The following HTRA1 variants were observed in gnomAD, a reference collection of about 807,000 sequenced individuals.
HTRA1 encodes serine protease HTRA1.
In HTRA1, 26 loss-of-function variants were observed where a neutral mutation model predicts 49.7. The observed-to-expected ratio is 0.52, with a 90% CI of 0.38 to 0.73. HTRA1 has a LOEUF of 0.73. Among genes scored for constraint, HTRA1 ranks in the 30% least tolerant of loss-of-function variants. The pLI is 0.00. For synonymous variants in HTRA1, 291 were observed against 286.9 expected (o/e 1.01, Z -0.14); for missense variants, 561 against 667.2 (o/e 0.84, Z 1.75).
In HTRA1 at chr10:122,488,172, C is replaced by T. The variant is rs185932309; in HGVS notation, c.473-730C>T. 1.1e-3 allele frequency among the ~76,000 whole-genome samples: 166 copies of T among 152,250 alleles called. 1 individual carries two copies. The highest frequency in any genetic ancestry group is 3.4e-3 in the Middle Eastern group (1 of 294). On this transcript the variant is annotated intron_variant, in intron 1 of 8. Transcript: ENST00000368984. ...GGTGGGCCTCTCCTAGAAAAAGCCC[C>T]GGTGCTCTTTGCTCCTGCGGTGTTT...
chr10:122,469,342 C>G (rs1055266647), intron 1 of HTRA1, among the ~76,000 whole-genome samples: 3 of 152,198 alleles, frequency 2.0e-5, no homozygotes, highest in African/African-American at 7.2e-5. Context: ...CTAAGAAGAG[C>G]TGTCTCTTTG....
At chr10:122,471,417 A>G (rs2097486080) in intron 1 of HTRA1, among the ~76,000 whole-genome samples, 1 of 152,176 alleles carries the variant, frequency 6.6e-6, no homozygotes, top group Non-Finnish European at 1.5e-5. Flanking sequence ...GGCCAAACAT[A>G]TAGTCCTTCT....
At position 122,489,303 on chromosome 10, in the gene HTRA1, C is replaced by T. The variant is rs1461483281; in HGVS notation, c.573-119C>T. 2.7e-5 allele frequency: 27 copies of T among 999,636 alleles called. 1 individual carries two copies. In the East Asian group the frequency reaches 4.5e-4, roughly 17 times the overall value. The allele number at this position is 999,636 out of a possible 1,614,324, so 61.9% of individuals were successfully genotyped here. A position where few individuals can be genotyped will look rare whatever the true frequency, so the allele number is the denominator to read the frequency against. ...ATGTTTAGTGTTTAAATGCTAAGCC[C>T]GATATATAAAGGAGCGATGGCTAGG... On this transcript the variant is annotated intron_variant, in intron 2 of 8. Coordinates refer to ENST00000368984, the MANE Select transcript of HTRA1 (RefSeq NM_002775.5).
chr10:122,499,484 G>A (rs1171096934), intron 3 of HTRA1, among the ~76,000 whole-genome samples: 1 of 152,142 alleles, frequency 6.6e-6, no homozygotes, highest in African/African-American at 2.4e-5. Flanking sequence ...TAATTTTGTA[G>A]CTGGTCCTGC....
At chr10:122,503,268 T>A (rs567446223) in intron 3 of HTRA1, among the ~76,000 whole-genome samples, 1 of 152,328 alleles carries the variant, frequency 6.6e-6, no homozygotes, top group East Asian at 1.9e-4. Context: ...ATGGAGCTGA[T>A]GTCTAGACAG....
At chr10:122,475,082 G>A (rs570263027) in intron 1 of HTRA1, among the ~76,000 whole-genome samples, 7 of 152,316 alleles carry the variant, frequency 4.6e-5, no homozygotes, top group East Asian at 1.9e-4. Context: ...GGTGCCCCCC[G>A]AAAGCACATT....
Position 122,490,808 on chromosome 10 carries a change from G to T in HTRA1, c.777+1182G>T, listed in dbSNP as rs536653049. 6.6e-6 allele frequency among the ~76,000 whole-genome samples: 1 copy of T among 152,162 alleles called. No individual in the cohort carries two copies. The highest frequency in any genetic ancestry group is 1.5e-5 in the Non-Finnish European group (1 of 68,030). ...TGTGCTGTTTGGGTGGTAGGATTCCGGGTCTCCTTCTCCGTCTTTTTATAA... is the reference window on the plus strand; with the variant it reads ...TGTGCTGTTTGGGTGGTAGGATTCCTGGTCTCCTTCTCCGTCTTTTTATAA... On this transcript the variant is annotated intron_variant, in intron 3 of 8. Coordinates refer to ENST00000368984, the MANE Select transcript of HTRA1 (RefSeq NM_002775.5). This position sits in a 1 kb window ranked among gnomAD's most constrained non-coding sequence, Gnocchi z 4.2.
At position 122,490,822 on chromosome 10, in the gene HTRA1, G is replaced by A. The variant is rs1006313524; in HGVS notation, c.777+1196G>A. 1.3e-5 allele frequency among the ~76,000 whole-genome samples: 2 copies of A among 152,152 alleles called. No homozygotes were observed. The highest frequency in any genetic ancestry group is 2.9e-5 in the Non-Finnish European group (2 of 68,034). On this transcript the variant is annotated intron_variant, in intron 3 of 8. Transcript: ENST00000368984. This position sits in a 1 kb window ranked among gnomAD's most constrained non-coding sequence, Gnocchi z 4.2. ...GGTAGGATTCCGGGTCTCCTTCTCC[G>A]TCTTTTTATAACATCAAGTTGCTGC...
At chr10:122,502,903 A>G (rs2250511) in intron 3 of HTRA1, among the ~76,000 whole-genome samples, 125,306 of 152,240 alleles carry the variant, frequency 0.82, 52,045 homozygotes, top group Non-Finnish European at 0.89. Flanking sequence ...CAGTGTGAGG[A>G]TCTGGCATGA....
chr10:122,493,713 C>T (rs1238086640), intron 3 of HTRA1, among the ~76,000 whole-genome samples: 3 of 152,260 alleles, frequency 2.0e-5, no homozygotes, highest in Non-Finnish European at 4.4e-5. Context: ...GAATCATGTC[C>T]TTCCCATCTT....
chr10:122,478,392 A>ATTTTTTTTTT (rs34977432), intron 1 of HTRA1, among the ~76,000 whole-genome samples: 2 of 119,102 alleles, frequency 1.7e-5, no homozygotes, highest in African/African-American at 3.2e-5. Context: ...AGTTTGACAG[A>ATTTTTTTTTT]TTTTTTTTTT....
chr10:122,486,598 C>T (rs1251078700), intron 1 of HTRA1, among the ~76,000 whole-genome samples: 3 of 152,140 alleles, frequency 2.0e-5, no homozygotes, highest in Non-Finnish European at 2.9e-5. Context: ...TTACTATGGC[C>T]CTTCGTGACC....
At chr10:122,513,890 G>T (rs1480094817) in intron 8 of HTRA1, among the ~76,000 whole-genome samples, 7 of 123,196 alleles carry the variant, frequency 5.7e-5, no homozygotes, top group African/African-American at 2.0e-4. Flanking sequence ...ACCAAACCTG[G>T]CTCTTTTTTT....
intron 1 of HTRA1, among the ~76,000 whole-genome samples, chr10:122,462,527 A>G (rs1175440770): frequency 6.6e-6 from 1 of 152,256 alleles, no homozygotes. Context: ...GACCACAAGA[A>G]GTCATTTCGG....
In HTRA1 at chr10:122,494,576, G is replaced by A. The variant is rs1474382343; in HGVS notation, c.777+4950G>A. On this transcript the variant is annotated intron_variant, in intron 3 of 8. Transcript: ENST00000368984. The surrounding 1 kb of genome is among the most constrained non-coding windows in gnomAD (Gnocchi z 4.0). The stretch of plus-strand genomic sequence containing the variant: ...TGCTTTTCCCTGACGCCAACAACCA[G>A]GTAAATATTTGGAAACGGCCTTGTT... Among the ~76,000 whole-genome samples the A allele has an allele frequency of 6.6e-6, 1 of 152,174 alleles. No homozygotes were observed. Among genetic ancestry groups the A allele is most frequent in the Non-Finnish European group, 1.5e-5 (1 of 68,042 alleles).
At position 122,497,973 on chromosome 10, in the gene HTRA1, C is replaced by T. The variant is rs72834482; in HGVS notation, c.777+8347C>T. On this transcript the variant is annotated intron_variant, in intron 3 of 8. Transcript: ENST00000368984. Reference sequence around the variant, plus strand: ...CCGAATATATACAGTCATTAGCTGTCGGGCCCCCATGTGGCACTGTTGACA... The same window carrying T: ...CCGAATATATACAGTCATTAGCTGTTGGGCCCCCATGTGGCACTGTTGACA... Among the ~76,000 whole-genome samples, 688 of 152,262 alleles carry T rather than the reference C, an allele frequency of 4.5e-3. 2 individuals are homozygous for T. The highest frequency in any genetic ancestry group is 6.9e-3 in the Non-Finnish European group (466 of 68,016).
rs2097497438 is a variant in HTRA1 at position 122,494,240 on chromosome 10, T to C, written c.777+4614T>C. On this transcript the variant is annotated intron_variant, in intron 3 of 8. Coordinates refer to ENST00000368984, the MANE Select transcript of HTRA1 (RefSeq NM_002775.5). This position sits in a 1 kb window ranked among gnomAD's most constrained non-coding sequence, Gnocchi z 4.0. ...CTGCGGGGTTGGGGGCACATCCGGC[T>C]GTCGGTCCTCAGGTAGGAGGTGCTT... 6.6e-6 allele frequency among the ~76,000 whole-genome samples: 1 copy of C among 152,216 alleles called. No individual in the cohort carries two copies. The highest frequency in any genetic ancestry group is 1.5e-5 in the Non-Finnish European group (1 of 68,028).
At chr10:122,514,031 G>T (rs1415030957) in intron 8 of HTRA1, among the ~76,000 whole-genome samples, 160 bp from the exon 9 acceptor site, 1 of 151,926 alleles carries the variant, frequency 6.6e-6, no homozygotes, top group Admixed American at 6.6e-5. Context: ...GAGCCACCGT[G>T]CCTGACCCAC....
intron 6 of HTRA1, among the ~76,000 whole-genome samples, chr10:122,509,500 G>T (rs1188952249): frequency 1.3e-5 from 2 of 152,182 alleles, no homozygotes; most frequent in Non-Finnish European, 2.9e-5. Context: ...CCCCTGAAGT[G>T]GCCTGAGGGC....
Sources: allele counts gnomAD v4.1 joint callset (sites outside exome capture counted in the v4.1 genomes callset), GRCh38; gene constraint gnomAD v4.1.1; non-coding constraint Gnocchi (gnomAD v3.1); transcripts MANE v1.5; gene names NCBI Gene and HGNC (gene_info 2026-07-23, HGNC 2026-07-21).